The following RUNX2 variants were observed in gnomAD, a reference collection of about 807,000 sequenced individuals.
The protein encoded by RUNX2 is runt-related transcription factor 2.
A neutral mutation model predicts 51.7 loss-of-function variants in RUNX2; 10 were observed. That is an observed-to-expected ratio of 0.19 (90% CI 0.12 to 0.33). The LOEUF (loss-of-function observed/expected upper bound fraction) is 0.33. Ranked by LOEUF, RUNX2 falls within the 10% of genes least tolerant of loss-of-function variation. The pLI is 1.00. For missense variants in RUNX2, 562 were observed against 691.3 expected, an observed-to-expected ratio of 0.81 and a Z score of 2.10; for synonymous variants, 276 against 273.6, an observed-to-expected ratio of 1.01 and a Z score of -0.09.
intron 7 of RUNX2, among the ~76,000 whole-genome samples, chr6:45,530,816 A>G (rs1455206696): frequency 6.6e-6 from 1 of 152,246 alleles, no homozygotes; most frequent in East Asian, 1.9e-4. Flanking sequence ...AAGCTCACAG[A>G]TAAAGAACAT....
intron 7 of RUNX2, among the ~76,000 whole-genome samples, chr6:45,535,301 A>G (rs907152636): frequency 6.6e-5 from 10 of 152,240 alleles, no homozygotes; most frequent in African/African-American, 1.9e-4. Context: ...TCCCCAGCAC[A>G]CTTATAAGAA....
At chr6:45,384,706 C>CTTT (rs56307239) in intron 2 of RUNX2, among the ~76,000 whole-genome samples, 6 of 61,210 alleles carry the variant, frequency 9.8e-5, no homozygotes, top group Admixed American at 2.4e-4. Flanking sequence ...ATTAGGGTGT[C>CTTT]TTTTTTTTTT....
At chr6:45,500,936 C>G (rs1197933483) in intron 6 of RUNX2, among the ~76,000 whole-genome samples, 1 of 152,206 alleles carries the variant, frequency 6.6e-6, no homozygotes, top group African/African-American at 2.4e-5. Context: ...CCAAAGAGGA[C>G]TTGACCCATC....
At chr6:45,385,904 G>A (rs111659191) in intron 2 of RUNX2, among the ~76,000 whole-genome samples, 67 of 152,120 alleles carry the variant, frequency 4.4e-4, no homozygotes, top group Middle Eastern at 3.4e-3. Flanking sequence ...CCACAATATC[G>A]TGCTTCTCCA....
rs555393836 is a variant in RUNX2, at chr6:45,336,319, A to G, written c.58+7535A>G. Among the ~76,000 whole-genome samples, 6 of 151,598 alleles carry G rather than the reference A, an allele frequency of 4.0e-5. No individual in the cohort carries two copies. In the South Asian group the frequency reaches 1.0e-3, roughly 26 times the overall value. ...AGATTTAACAATATCCCTCCCTTAT[A>G]ACACGCATAAGCATATTGCAGAATA... is the stretch of plus-strand genomic sequence containing the variant. On this transcript the variant is annotated intron_variant, in intron 2 of 8. Coordinates refer to ENST00000647337, the MANE Select transcript of RUNX2 (RefSeq NM_001024630.4).
chr6:45,523,925 C>T (rs1801586865), intron 7 of RUNX2, among the ~76,000 whole-genome samples: 1 of 150,634 alleles, frequency 6.6e-6, no homozygotes, highest in African/African-American at 2.4e-5. Context: ...AGCGAGACTG[C>T]ATCTCAAAAA....
intron 2 of RUNX2, among the ~76,000 whole-genome samples, chr6:45,335,311 A>C (rs948010764): frequency 1.1e-4 from 17 of 151,300 alleles, no homozygotes; most frequent in African/African-American, 4.1e-4. Context: ...ATGTGAATTT[A>C]CTTTGAAGCT....
chr6:45,382,739 G>A (rs1344543607), intron 2 of RUNX2, among the ~76,000 whole-genome samples: 7 of 152,192 alleles, frequency 4.6e-5, no homozygotes, highest in Admixed American at 1.3e-4. Flanking sequence ...GATTGACATC[G>A]TAAGATTTAG....
intron 2 of RUNX2, among the ~76,000 whole-genome samples, chr6:45,358,824 A>G (rs566137480): frequency 6.6e-6 from 1 of 152,306 alleles, no homozygotes; most frequent in East Asian, 1.9e-4. Flanking sequence ...TATTCACTCT[A>G]AAAATAAAAA....
chr6:45,382,153 C>G (rs1797252780), intron 2 of RUNX2, among the ~76,000 whole-genome samples: 1 of 152,198 alleles, frequency 6.6e-6, no homozygotes, highest in Non-Finnish European at 1.5e-5. Context: ...ATGTAAAACT[C>G]TTGTACTGGA....
intron 2 of RUNX2, chr6:45,421,402 C>G (rs1009883066): frequency 6.7e-6 from 1 of 149,550 alleles, no homozygotes; most frequent in South Asian, 2.2e-4. Flanking sequence ...CCCTCCACCC[C>G]CCCTCCTCAT....
chr6:45,391,123 A>T (rs1244906417), intron 2 of RUNX2, among the ~76,000 whole-genome samples: 2 of 152,184 alleles, frequency 1.3e-5, no homozygotes, highest in Non-Finnish European at 2.9e-5. Context: ...TAGGTACAAG[A>T]TTCTATGTGA....
chr6:45,549,490 T>C lies in RUNX2; in HGVS notation c.*2185T>C, dbSNP rs1802502386. ...CGTATACCAAGTATGCTTAGATAAA[T>C]AAGCCACTTTTCTATTACTTAAGTA... On this transcript the variant is annotated 3_prime_UTR_variant, in exon 9 of 9. Transcript: ENST00000647337. 1 of 397,626 alleles carries C rather than the reference T, an allele frequency of 2.5e-6. No individual in the cohort carries two copies. The highest frequency in any genetic ancestry group is 4.4e-6 in the Non-Finnish European group (1 of 225,972). The allele number at this position is 397,626 out of a possible 1,614,324, so 24.6% of individuals were successfully genotyped here. A position where few individuals can be genotyped will look rare whatever the true frequency, so the allele number is the denominator to read the frequency against.
rs79742749 is a variant in RUNX2, at chr6:45,436,545, C to T, written c.581-1402C>T. ...TATTCAAACTGCACCCACCCCATTC[C>T]TGTCTTTTCTTTCCTGTTTTTTTCC... On this transcript the variant is annotated intron_variant, in intron 4 of 8. Coordinates refer to ENST00000647337, the MANE Select transcript of RUNX2 (RefSeq NM_001024630.4). Among the ~76,000 whole-genome samples the T allele has an allele frequency of 5.1e-4, 77 of 152,304 alleles. 3 individuals are homozygous for T. The East Asian group carries it at 0.014, about 28-fold the overall frequency.
intron 5 of RUNX2, among the ~76,000 whole-genome samples, chr6:45,455,662 G>T (rs1372212649): frequency 6.6e-6 from 1 of 152,194 alleles, no homozygotes; most frequent in African/African-American, 2.4e-5. Flanking sequence ...TTAGCACAGT[G>T]TGAAGTGTGA....
chr6:45,422,634 C>G lies in RUNX2; in HGVS notation c.100C>G (p.Leu34Val), dbSNP rs534661233. Residue 34 changes from leucine to valine, a missense_variant, in exon 3 of 9, where the codon CTG (leucine) becomes GTG (valine). Coordinates refer to ENST00000647337, the MANE Select transcript of RUNX2 (RefSeq NM_001024630.4). ...SRRFSPPSSS[L>V]QPGKMSDVSP... ...GCGCTTCAGCCCCCCCTCCAGCAGC[C>G]TGCAGCCCGGCAAAATGAGCGACGT... The G allele has an allele frequency of 3.5e-5, 56 of 1,606,972 alleles. No homozygotes were observed. The South Asian group carries it at 5.5e-4, about 16-fold the overall frequency.
intron 2 of RUNX2, among the ~76,000 whole-genome samples, chr6:45,361,004 G>A (rs145873085): frequency 1.6e-3 from 246 of 152,250 alleles, no homozygotes; most frequent in African/African-American, 5.7e-3. Flanking sequence ...TGGGCACAGT[G>A]GCACATGCCT....
chr6:45,466,120 C>T (rs1174310203), intron 5 of RUNX2, among the ~76,000 whole-genome samples: 1 of 151,910 alleles, frequency 6.6e-6, no homozygotes, highest in African/African-American at 2.4e-5. Flanking sequence ...TCGAGACCAA[C>T]CTGGCCAACA....
At chr6:45,520,796 C>T (rs886969913) in intron 7 of RUNX2, among the ~76,000 whole-genome samples, 1 of 151,818 alleles carries the variant, frequency 6.6e-6, no homozygotes, top group Non-Finnish European at 1.5e-5. Context: ...TCTCGGCTCA[C>T]TACAGCCTCT....
Sources: gnomAD v4.1 joint callset for allele counts (sites outside exome capture counted in the v4.1 genomes callset) on GRCh38, gnomAD v4.1.1 for gene constraint, MANE v1.5 for transcripts, NCBI Gene and HGNC (gene_info 2026-07-23, HGNC 2026-07-21) for gene names.